Variants in ATP1A1 observed in about 807,000 individuals in gnomAD.
The protein encoded by ATP1A1 is ATPase Na+/K+ transporting subunit alpha 1, also known as sodium/potassium-transporting ATPase subunit alpha-1.
Under a neutral mutation model 114.8 loss-of-function variants are expected in ATP1A1, and 14 were observed. The ratio of observed to expected loss-of-function variants is 0.12; its 90% CI spans 0.08 to 0.19. The LOEUF (loss-of-function observed/expected upper bound fraction) is 0.19. ATP1A1 is among the 10% of genes least tolerant of loss of function. The pLI is 1.00. For missense variants in ATP1A1, 524 were observed against 1,290.7 expected (o/e 0.41, Z 9.10); for synonymous variants, 471 against 466.3 (o/e 1.01, Z -0.13).
Position 116,393,824 on chromosome 1 carries a change from G to A in ATP1A1, c.1660+101G>A. On this transcript the variant is annotated intron_variant, in intron 12 of 22. Coordinates refer to ENST00000295598, the MANE Select transcript of ATP1A1 (RefSeq NM_000701.8). The surrounding 1 kb of genome is among the most constrained non-coding windows in gnomAD (Gnocchi z 5.0). ...GTGATCCTATGAACCTCTATGTCTTGTTGACCTTCCTCTACATCTTTTAGG... is the reference window on the plus strand; with the variant it reads ...GTGATCCTATGAACCTCTATGTCTTATTGACCTTCCTCTACATCTTTTAGG... The A allele has an allele frequency of 8.4e-7, 1 of 1,188,678 alleles. No homozygotes were observed. Among genetic ancestry groups the A allele is most frequent in the East Asian group, 2.6e-5 (1 of 38,488 alleles). 73.6% of individuals were successfully genotyped at this position (1,188,678 alleles called of 1,614,324 possible).
In ATP1A1 at chr1:116,399,042, G is replaced by A. The variant is rs1244388740; in HGVS notation, c.2406G>A (p.Leu802=). The part of the protein sequence containing the change: ...IFIIANIPLP[L]GTVTILCIDL... ...TTATTGCAAACATTCCACTACCACT[G>A]GGGACTGTCACCATCCTCTGCATTG... Residue 802 remains leucine, a synonymous_variant, in exon 17 of 23, where the codon CTG becomes CTA. Coordinates refer to ENST00000295598, the MANE Select transcript of ATP1A1 (RefSeq NM_000701.8). This position sits in a 1 kb window ranked among gnomAD's most constrained non-coding sequence, Gnocchi z 5.0. The A allele has an allele frequency of 1.2e-6, 2 of 1,614,118 alleles. No homozygotes were observed. Among genetic ancestry groups the A allele is most frequent in the South Asian group, 2.2e-5 (2 of 91,076 alleles).
At chr1:116,376,468 AG>A (rs1212698629) in intron 1 of ATP1A1, among the ~76,000 whole-genome samples, 1 of 152,220 alleles carries the variant, frequency 6.6e-6, no homozygotes, top group Non-Finnish European at 1.5e-5. Context: ...GCCGGGAGCT[AG>A]TGGAGCAAGT....
chr1:116,397,843 G>A lies in ATP1A1; in HGVS notation c.1974-45G>A. On this transcript the variant is annotated intron_variant, in intron 14 of 22. Coordinates refer to ENST00000295598, the MANE Select transcript of ATP1A1 (RefSeq NM_000701.8). The surrounding 1 kb of genome is among the most constrained non-coding windows in gnomAD (Gnocchi z 4.2). The stretch of plus-strand genomic sequence containing the variant: ...CTCTTGAGGTGATGGACACATGCTG[G>A]TGATGTGATGCGTGACTTTTTTTTT... 1 of 1,589,906 alleles carries A rather than the reference G, an allele frequency of 6.3e-7. No homozygotes were observed. Among genetic ancestry groups the A allele is most frequent in the Non-Finnish European group, 8.5e-7 (1 of 1,170,440 alleles).
At position 116,393,613 on chromosome 1, in the gene ATP1A1, G is replaced by T. The variant is rs11540949; in HGVS notation, c.1550G>T (p.Arg517Leu). 6.2e-7 allele frequency: 1 copy of T among 1,614,198 alleles called. No individual in the cohort carries two copies. Among genetic ancestry groups the T allele is most frequent in the Non-Finnish European group, 8.5e-7 (1 of 1,180,034 alleles). ...MKGAPERILD[R>L]CSSILLHGKE... is the part of the protein sequence containing the mutation. ...GGCGCCCCAGAAAGGATCCTAGACC[G>T]TTGCAGCTCTATCCTCCTCCACGGC... The change falls in exon 12 of 23, where the codon CGT (arginine) becomes CTT (leucine). Residue 517 changes from arginine to leucine, a missense_variant. Around this residue, in one of 8 missense-constraint regions of ATP1A1, gnomAD observed 143 missense variants for 259.3 expected, o/e 0.55. Transcript: ENST00000295598. The surrounding 1 kb of genome is among the most constrained non-coding windows in gnomAD (Gnocchi z 5.0).
intron 1 of ATP1A1, among the ~76,000 whole-genome samples, chr1:116,377,104 T>C (rs1476877365): frequency 3.9e-5 from 6 of 152,222 alleles, no homozygotes; most frequent in Non-Finnish European, 8.8e-5. Context: ...CTTTGAAGGA[T>C]TTTGTATGGT....
chr1:116,402,451 C>T (rs1033899287), intron 21 of ATP1A1, among the ~76,000 whole-genome samples: 3 of 152,174 alleles, frequency 2.0e-5, no homozygotes, highest in Non-Finnish European at 2.9e-5. Context: ...TCTGGACCAT[C>T]TCTCAATCCC....
In ATP1A1 at chr1:116,390,173, C is replaced by G. The variant is rs1461864669; in HGVS notation, c.1024-40C>G. ...AGCAAGAATCTGTATAGAATTCCAG[C>G]CTGGTTGAGTGAAGTAATAATCTTC... is the stretch of plus-strand genomic sequence containing the variant. On this transcript the variant is annotated intron_variant, in intron 8 of 22. Transcript: ENST00000295598. 3 of 1,583,828 alleles carry G rather than the reference C, an allele frequency of 1.9e-6. No homozygotes were observed. In the South Asian group the frequency reaches 3.3e-5, roughly 18 times the overall value.
chr1:116,404,504 C>A lies in ATP1A1; in HGVS notation c.*60C>A, dbSNP rs1348153284. 6 of 1,568,468 alleles carry A rather than the reference C, an allele frequency of 3.8e-6. No individual in the cohort carries two copies. Among genetic ancestry groups the A allele is most frequent in the East Asian group, 4.7e-5 (2 of 42,484 alleles). ...CACACTCTGCATCCGACACCCACCC[C>A]CTCTTTGTGTACTTCAGTCTTGGAG... On this transcript the variant is annotated 3_prime_UTR_variant, in exon 23 of 23. Transcript: ENST00000295598. This position sits in a 1 kb window ranked among gnomAD's most constrained non-coding sequence, Gnocchi z 4.8.
chr1:116,384,909 A>T lies in ATP1A1; in HGVS notation c.183+67A>T, dbSNP rs757511287. On this transcript the variant is annotated intron_variant, in intron 3 of 22. Coordinates refer to ENST00000295598, the MANE Select transcript of ATP1A1 (RefSeq NM_000701.8). This position sits in a 1 kb window ranked among gnomAD's most constrained non-coding sequence, Gnocchi z 5.1. Reference sequence around the variant, plus strand: ...TCCGTATTATATTTTCCCCTGTATTACATACAGGTCTAACCTCAGGGGCTC... The same window carrying T: ...TCCGTATTATATTTTCCCCTGTATTTCATACAGGTCTAACCTCAGGGGCTC... 82 of 1,473,366 alleles carry T rather than the reference A, an allele frequency of 5.6e-5. No homozygotes were observed. The South Asian group carries it at 9.2e-4, about 17-fold the overall frequency. 91.3% of individuals were successfully genotyped at this position (1,473,366 alleles called of 1,614,324 possible). A position where few individuals can be genotyped will look rare whatever the true frequency, so the allele number is the denominator to read the frequency against.
At position 116,404,356 on chromosome 1, in the gene ATP1A1, A is replaced by G; in HGVS notation, c.3044-60A>G. 1 of 1,606,852 alleles carries G rather than the reference A, an allele frequency of 6.2e-7. No individual in the cohort carries two copies. The highest frequency in any genetic ancestry group is 8.5e-7 in the Non-Finnish European group (1 of 1,174,322). On this transcript the variant is annotated intron_variant, in intron 22 of 22. Transcript: ENST00000295598. The surrounding 1 kb of genome is among the most constrained non-coding windows in gnomAD (Gnocchi z 4.8). ...GGTTTTCATCCCTGTTTCCCTCTGT[A>G]ATGCTGGAGCGAGGAAGACTCACTG...
intron 8 of ATP1A1, 112 bp from the exon 9 acceptor site, chr1:116,390,101 G>C: frequency 9.0e-7 from 1 of 1,113,644 alleles, no homozygotes; most frequent in Non-Finnish European, 1.3e-6. Context: ...TTCAGAAGAA[G>C]GTTGGAGAGA....
chr1:116,379,208 C>G (rs1651579575), intron 1 of ATP1A1, among the ~76,000 whole-genome samples: 1 of 152,184 alleles, frequency 6.6e-6, no homozygotes, highest in African/African-American at 2.4e-5. Flanking sequence ...TGTCGCTGTT[C>G]TTTGACCCTT....
At chr1:116,378,543 C>G (rs76963524) in intron 1 of ATP1A1, among the ~76,000 whole-genome samples, 4,112 of 115,882 alleles carry the variant, frequency 0.035, 175 homozygotes, top group African/African-American at 0.12. Context: ...TGTGATTGCT[C>G]TTTCTAGTCT....
At position 116,397,670 on chromosome 1, in the gene ATP1A1, C is replaced by T. The variant is rs1653045113; in HGVS notation, c.1974-218C>T. Among the ~76,000 whole-genome samples the T allele has an allele frequency of 1.3e-5, 2 of 152,112 alleles. No homozygotes were observed. Among genetic ancestry groups the T allele is most frequent in the African/African-American group, 4.8e-5 (2 of 41,430 alleles). Reference sequence around the variant, plus strand: ...GAAAGGAAGAATACAGACAGGCCTGCCTTAGAGATCATCATGAGCCTCAAA... The same window carrying T: ...GAAAGGAAGAATACAGACAGGCCTGTCTTAGAGATCATCATGAGCCTCAAA... On this transcript the variant is annotated intron_variant, in intron 14 of 22. Coordinates refer to ENST00000295598, the MANE Select transcript of ATP1A1 (RefSeq NM_000701.8). The surrounding 1 kb of genome is among the most constrained non-coding windows in gnomAD (Gnocchi z 4.2).
chr1:116,379,730 T>G (rs1651617312), intron 1 of ATP1A1, among the ~76,000 whole-genome samples: 1 of 152,242 alleles, frequency 6.6e-6, no homozygotes, highest in Non-Finnish European at 1.5e-5. Context: ...TAATAGCCTT[T>G]GTGTAGTGCT....
rs57629350 is a variant in ATP1A1, at chr1:116,384,487, C to T, written c.124-296C>T. Among the ~76,000 whole-genome samples, 5,555 of 152,222 alleles carry T rather than the reference C, an allele frequency of 0.036. 348 individuals are homozygous for T. Among genetic ancestry groups the T allele is most frequent in the African/African-American group, 0.12 (5,189 of 41,522 alleles). ...GAATCGACCTGGTCATCAGAGAAGGCAGATAAGGTTTTACTAGATCCCTGA... is the reference window on the plus strand; with the variant it reads ...GAATCGACCTGGTCATCAGAGAAGGTAGATAAGGTTTTACTAGATCCCTGA... On this transcript the variant is annotated intron_variant, in intron 2 of 22. Coordinates refer to ENST00000295598, the MANE Select transcript of ATP1A1 (RefSeq NM_000701.8). The surrounding 1 kb of genome is among the most constrained non-coding windows in gnomAD (Gnocchi z 5.1).
At chr1:116,396,523 C>A in intron 13 of ATP1A1, 75 bp from the exon 14 acceptor site, 1 of 1,545,128 alleles carries the variant, frequency 6.5e-7, no homozygotes, top group Non-Finnish European at 8.8e-7. Context: ...AGTATTTACT[C>A]TTGCCTACTG....
rs749374292 is a variant in ATP1A1 at position 116,384,927 on chromosome 1, A to C, written c.183+85A>C. ...CTGTATTACATACAGGTCTAACCTCAGGGGCTCTAGTAAGAAAATGACAGA... is the reference window on the plus strand; with the variant it reads ...CTGTATTACATACAGGTCTAACCTCCGGGGCTCTAGTAAGAAAATGACAGA... On this transcript the variant is annotated intron_variant, in intron 3 of 22. Coordinates refer to ENST00000295598, the MANE Select transcript of ATP1A1 (RefSeq NM_000701.8). The surrounding 1 kb of genome is among the most constrained non-coding windows in gnomAD (Gnocchi z 5.1). 7.6e-7 allele frequency: 1 copy of C among 1,318,698 alleles called. No individual in the cohort carries two copies. Among genetic ancestry groups the C allele is most frequent in the South Asian group, 1.2e-5 (1 of 81,870 alleles). 81.7% of individuals were successfully genotyped at this position (1,318,698 alleles called of 1,614,324 possible).
chr1:116,401,091 T>C lies in ATP1A1; in HGVS notation c.2719-39T>C, dbSNP rs1653438632. ...GCCACACTGCCACCAGCCATGCAGG[T>C]GAAGAGCCAGAGCTCATCTTCTGTC... On this transcript the variant is annotated intron_variant, in intron 19 of 22. Transcript: ENST00000295598. This position sits in a 1 kb window ranked among gnomAD's most constrained non-coding sequence, Gnocchi z 4.7. The C allele has an allele frequency of 1.2e-6, 2 of 1,612,932 alleles. No individual in the cohort carries two copies. Among genetic ancestry groups the C allele is most frequent in the Admixed American group, 1.7e-5 (1 of 59,992 alleles).
Sources: allele counts gnomAD v4.1 joint callset (sites outside exome capture counted in the v4.1 genomes callset), GRCh38; gene constraint gnomAD v4.1.1; regional missense constraint gnomAD v4.1.1; non-coding constraint Gnocchi (gnomAD v3.1); transcripts MANE v1.5; gene names NCBI Gene and HGNC (gene_info 2026-07-23, HGNC 2026-07-21).